Variants in MSRA observed in about 807,000 individuals in gnomAD.
MSRA encodes methionine sulfoxide reductase A.
MSRA carries 54 observed loss-of-function variants against 31.3 expected under a neutral mutation model. The ratio of observed to expected loss-of-function variants is 1.73; its 90% CI spans 1.39 to 2.17. MSRA has a LOEUF of 2.17. MSRA is among the 30% of genes most tolerant of loss of function. The pLI, the probability that MSRA is intolerant of heterozygous loss-of-function variation, is 0.00. For missense variants in MSRA, 507 were observed against 300.9 expected (o/e 1.69, Z -5.07); for synonymous variants, 169 against 116.5 (o/e 1.45, Z -2.90).
At chr8:10,148,305 CTTT>C (rs1303045833) in intron 1 of MSRA, among the ~76,000 whole-genome samples, 5 of 138,202 alleles carry the variant, frequency 3.6e-5, no homozygotes, top group Non-Finnish European at 3.2e-5. Context: ...AAGAGTTTTT[CTTT>C]TTTTTTTTTT....
chr8:10,102,635 C>T (rs1799611481), intron 1 of MSRA, among the ~76,000 whole-genome samples: 1 of 152,140 alleles, frequency 6.6e-6, no homozygotes, highest in Non-Finnish European at 1.5e-5. Context: ...TTGAGGTTTT[C>T]CTGGTTCTTG....
rs1365173930 is a variant in MSRA at position 10,153,802 on chromosome 8, C to T, written c.143-54031C>T. On this transcript the variant is annotated intron_variant, in intron 1 of 5. Coordinates refer to ENST00000317173, the MANE Select transcript of MSRA (RefSeq NM_012331.5). ...ACAGCTTCAGAAAAAAATTCTAGAG[C>T]TAGAACATGCAGTTGGTTTTCAAAT... Among the ~76,000 whole-genome samples, 5 of 152,182 alleles carry T rather than the reference C, an allele frequency of 3.3e-5. No individual in the cohort carries two copies. In the East Asian group the frequency reaches 9.6e-4, roughly 29 times the overall value.
In MSRA at chr8:10,157,350, G is replaced by T. The variant is rs566452532; in HGVS notation, c.143-50483G>T. On this transcript the variant is annotated intron_variant, in intron 1 of 5. Coordinates refer to ENST00000317173, the MANE Select transcript of MSRA (RefSeq NM_012331.5). The stretch of plus-strand genomic sequence containing the variant: ...CTTCCAGTTCTCTCACTGTCTGATG[G>T]TGTGATTTGAGGGCCTTAGTCTTAT... Among the ~76,000 whole-genome samples the T allele has an allele frequency of 2.0e-5, 3 of 152,292 alleles. No homozygotes were observed. The East Asian group carries it at 5.8e-4, about 29-fold the overall frequency.
intron 1 of MSRA, among the ~76,000 whole-genome samples, chr8:10,061,339 T>A (rs1802708926): frequency 6.6e-6 from 1 of 152,102 alleles, no homozygotes; most frequent in South Asian, 2.1e-4. Context: ...TGTCCATATA[T>A]CCTTATCTTC....
chr8:10,379,018 A>G (rs1017394334), intron 5 of MSRA, among the ~76,000 whole-genome samples: 17 of 152,202 alleles, frequency 1.1e-4, no homozygotes, highest in African/African-American at 3.9e-4. Context: ...TTACGCAGAC[A>G]TGCTTATGTT....
intron 3 of MSRA, among the ~76,000 whole-genome samples, chr8:10,247,188 C>T (rs974120331): frequency 3.3e-5 from 5 of 152,158 alleles, no homozygotes; most frequent in African/African-American, 1.2e-4. Context: ...AGCACTTTTT[C>T]TGTCTTTGCT....
intron 1 of MSRA, among the ~76,000 whole-genome samples, chr8:10,063,915 C>G (rs1405593004): frequency 6.6e-6 from 1 of 152,184 alleles, no homozygotes; most frequent in East Asian, 1.9e-4. Flanking sequence ...TTGGGGCTTT[C>G]AAGGCTAAAC....
chr8:10,116,593 A>G (rs930030739), intron 1 of MSRA, among the ~76,000 whole-genome samples: 1 of 152,226 alleles, frequency 6.6e-6, no homozygotes, highest in Non-Finnish European at 1.5e-5. Flanking sequence ...GTGTGATAAC[A>G]TACATGCCAT....
At chr8:10,425,690 G>A (rs866135668) in intron 5 of MSRA, among the ~76,000 whole-genome samples, 12 of 152,360 alleles carry the variant, frequency 7.9e-5, no homozygotes, top group African/African-American at 2.2e-4. Flanking sequence ...AGCGAGGCCC[G>A]TCTCAGCAGG....
chr8:10,190,978 T>C (rs893325857), intron 1 of MSRA, among the ~76,000 whole-genome samples: 2 of 152,174 alleles, frequency 1.3e-5, no homozygotes, highest in African/African-American at 4.8e-5. Flanking sequence ...AGCTTCAGCA[T>C]TAGTTTTCTG....
intron 1 of MSRA, among the ~76,000 whole-genome samples, chr8:10,171,367 A>AC (rs1171777549): frequency 8.5e-5 from 7 of 82,494 alleles, no homozygotes; most frequent in Middle Eastern, 9.3e-3. Context: ...TTTAAACTGT[A>AC]CTTTTTTTTT....
chr8:10,216,801 C>A (rs1810036497), intron 2 of MSRA, among the ~76,000 whole-genome samples: 2 of 152,214 alleles, frequency 1.3e-5, no homozygotes, highest in African/African-American at 4.8e-5. Flanking sequence ...TGTCCATTCA[C>A]CTGTCAATCA....
intron 3 of MSRA, among the ~76,000 whole-genome samples, chr8:10,292,216 G>C (rs1308432818): frequency 6.6e-6 from 1 of 152,218 alleles, no homozygotes; most frequent in Non-Finnish European, 1.5e-5. Context: ...ACTGGTCATT[G>C]GCAGGTGAAT....
intron 2 of MSRA, among the ~76,000 whole-genome samples, chr8:10,209,232 C>A (rs1034823826): frequency 3.9e-5 from 6 of 152,192 alleles, no homozygotes; most frequent in African/African-American, 1.4e-4. Flanking sequence ...TATCATGGGA[C>A]AGCAAATGTC....
At chr8:10,335,120 G>A (rs1248743665) in intron 5 of MSRA, among the ~76,000 whole-genome samples, 1 of 152,216 alleles carries the variant, frequency 6.6e-6, no homozygotes, top group African/African-American at 2.4e-5. Flanking sequence ...GCCCCACCCA[G>A]CTGTCCAGAA....
chr8:10,395,936 A>C (rs931351552), intron 5 of MSRA, among the ~76,000 whole-genome samples: 1 of 152,150 alleles, frequency 6.6e-6, no homozygotes, highest in African/African-American at 2.4e-5. Context: ...GTTTCTACCA[A>C]TCTTTGCACG....
At chr8:10,230,867 C>T (rs981169349) in intron 2 of MSRA, among the ~76,000 whole-genome samples, 2 of 152,188 alleles carry the variant, frequency 1.3e-5, no homozygotes, top group Admixed American at 1.3e-4. Context: ...TCACTGCAAC[C>T]TCCGCCTCCC....
chr8:10,144,517 C>T (rs13272793), intron 1 of MSRA, among the ~76,000 whole-genome samples: 51,089 of 152,074 alleles, frequency 0.34, 9,784 homozygotes, highest in Middle Eastern at 0.49. Context: ...ACAGAACCAA[C>T]ATTGCACGTA....
intron 1 of MSRA, among the ~76,000 whole-genome samples, chr8:10,168,075 A>G (rs1471686741): frequency 2.0e-5 from 3 of 152,152 alleles, no homozygotes; most frequent in Non-Finnish European, 4.4e-5. Context: ...GTTACTTACT[A>G]GCTTTGTGTC....
Sources: allele counts gnomAD v4.1 joint callset (sites outside exome capture counted in the v4.1 genomes callset), GRCh38; gene constraint gnomAD v4.1.1; transcripts MANE v1.5; gene names NCBI Gene and HGNC (gene_info 2026-07-23, HGNC 2026-07-21).